Variants in FUT8 observed in about 807,000 individuals in gnomAD.
The protein encoded by FUT8 is fucosyltransferase 8, also known as alpha-(1,6)-fucosyltransferase.
A neutral mutation model predicts 71.3 loss-of-function variants in FUT8; 29 were observed. The ratio of observed to expected loss-of-function variants is 0.41; its 90% CI spans 0.30 to 0.55. The LOEUF is 0.55. FUT8 is among the 20% of genes least tolerant of loss of function. The probability of loss-of-function intolerance (pLI) is 0.34; values close to 1 mark genes in which losing one functional copy is unlikely to be tolerated. For missense variants in FUT8, 544 were observed against 702.1 expected, an observed-to-expected ratio of 0.77 and a Z score of 2.55; for synonymous variants, 254 against 239.3, an observed-to-expected ratio of 1.06 and a Z score of -0.57.
chr14:65,538,195 C>T (rs893230919), intron 2 of FUT8, among the ~76,000 whole-genome samples: 3 of 152,278 alleles, frequency 2.0e-5, no homozygotes, highest in Non-Finnish European at 2.9e-5. Context: ...TACCACTTCT[C>T]GAAGCAGCTT....
chr14:65,693,918 A>C (rs909192032), intron 7 of FUT8, among the ~76,000 whole-genome samples: 5 of 152,240 alleles, frequency 3.3e-5, no homozygotes, highest in African/African-American at 1.2e-4. Flanking sequence ...GAATTTTGGT[A>C]GATTGGATCT....
the FUT8 span, among the ~76,000 whole-genome samples, chr14:65,386,375 G>A: frequency 2.6e-5 from 4 of 151,820 alleles, no homozygotes; most frequent in East Asian, 7.8e-4. Flanking sequence ...ATGGTGGTGT[G>A]CGCCTATAGT....
At chr14:65,697,512 T>G (rs115218553) in intron 7 of FUT8, among the ~76,000 whole-genome samples, 2,695 of 152,316 alleles carry the variant, frequency 0.018, 82 homozygotes, top group African/African-American at 0.061. Flanking sequence ...TAAACTAGTT[T>G]TCCTTTAGGC....
At chr14:65,521,706 AT>A (rs939093067) in intron 2 of FUT8, among the ~76,000 whole-genome samples, 85 of 152,234 alleles carry the variant, frequency 5.6e-4, no homozygotes, top group African/African-American at 1.8e-3. Context: ...AAAAAAATAC[AT>A]TTTTTTGGTT....
chr14:65,646,274 A>G (rs1391373997), intron 6 of FUT8, among the ~76,000 whole-genome samples: 2 of 152,174 alleles, frequency 1.3e-5, no homozygotes, highest in Non-Finnish European at 1.5e-5. Context: ...TGCTCCCAAG[A>G]TAGGAGATTA....
chr14:65,682,346 A>T (rs542779694), intron 7 of FUT8, among the ~76,000 whole-genome samples: 27 of 152,162 alleles, frequency 1.8e-4, no homozygotes, highest in Middle Eastern at 3.4e-3. Flanking sequence ...TTAAAAATAA[A>T]ATTTTTTTTA....
chr14:65,373,844 C>T, the FUT8 span, among the ~76,000 whole-genome samples: 1 of 152,198 alleles, frequency 6.6e-6, no homozygotes, highest in African/African-American at 2.4e-5. Context: ...TCTTCAGTGC[C>T]ACCATCCGTC....
chr14:65,367,040 A>G, the FUT8 span, among the ~76,000 whole-genome samples: 1 of 152,194 alleles, frequency 6.6e-6, no homozygotes, highest in African/African-American at 2.4e-5. Flanking sequence ...GGACTGCAAC[A>G]TCTCCAGATT....
intron 1 of FUT8, among the ~76,000 whole-genome samples, chr14:65,417,204 C>T (rs934518614): frequency 6.6e-6 from 1 of 152,138 alleles, no homozygotes; most frequent in African/African-American, 2.4e-5. Context: ...ATCATCCCAC[C>T]TTGGCCTCCC....
intron 2 of FUT8, chr14:65,471,078 A>C: frequency 2.1e-6 from 1 of 467,086 alleles, no homozygotes; most frequent in South Asian, 1.6e-5. Context: ...TGTGTTGTAC[A>C]AGAGCTGTAC....
At chr14:65,714,284 A>G (rs1894945773) in intron 7 of FUT8, among the ~76,000 whole-genome samples, 3 of 152,032 alleles carry the variant, frequency 2.0e-5, no homozygotes, top group African/African-American at 7.2e-5. Flanking sequence ...CCACGTTTTT[A>G]TGCTAGTGCC....
chr14:65,637,430 C>G (rs1354638523), intron 6 of FUT8, among the ~76,000 whole-genome samples: 1 of 152,026 alleles, frequency 6.6e-6, no homozygotes, highest in Non-Finnish European at 1.5e-5. Context: ...GAGCAAATAG[C>G]CTCTGCAGAA....
chr14:65,675,568 G>A (rs1282438296), intron 7 of FUT8, among the ~76,000 whole-genome samples: 1 of 152,162 alleles, frequency 6.6e-6, no homozygotes, highest in African/African-American at 2.4e-5. Flanking sequence ...ACCATTCTAT[G>A]AGTTTTTTAG....
chr14:65,361,509 C>T, the FUT8 span, among the ~76,000 whole-genome samples: 2 of 151,972 alleles, frequency 1.3e-5, no homozygotes, highest in Admixed American at 1.3e-4. Flanking sequence ...AGACTATGGC[C>T]GGGTGCGGTG....
chr14:65,437,067 G>A (rs910937743), intron 1 of FUT8, among the ~76,000 whole-genome samples: 24 of 152,176 alleles, frequency 1.6e-4, no homozygotes, highest in African/African-American at 5.8e-4. Flanking sequence ...GCTTCTTTGA[G>A]TTCATTCTTT....
At chr14:65,557,336 CTTT>C (rs561664750) in intron 2 of FUT8, among the ~76,000 whole-genome samples, 2 of 142,710 alleles carry the variant, frequency 1.4e-5, no homozygotes. Context: ...TCTCTCTCCC[CTTT>C]TTTTTTTTTT....
intron 2 of FUT8, among the ~76,000 whole-genome samples, chr14:65,469,796 G>C (rs931811595): frequency 3.3e-5 from 5 of 152,210 alleles, no homozygotes; most frequent in African/African-American, 9.6e-5. Context: ...TGTCTCTCTG[G>C]CCTCTGCCCT....
intron 1 of FUT8, among the ~76,000 whole-genome samples, chr14:65,435,406 T>C (rs139774465): frequency 2.8e-4 from 43 of 152,344 alleles, no homozygotes; most frequent in African/African-American, 5.3e-4. Flanking sequence ...AGAAAATTCA[T>C]TGAGATTCAT....
rs74056811 is a variant in FUT8, at chr14:65,726,081, A to G, written c.1259+1758A>G. Among the ~76,000 whole-genome samples, 1,207 of 152,352 alleles carry G rather than the reference A, an allele frequency of 7.9e-3. 9 individuals are homozygous for G. Among genetic ancestry groups the G allele is most frequent in the African/African-American group, 0.024 (1,005 of 41,584 alleles). ...GGCAAATAATTCATCAGCCAAGTAT[A>G]AGAATGAGTTAATGTAAGAGGGATT... On this transcript the variant is annotated intron_variant, in intron 9 of 10. Transcript: ENST00000673929.
Sources: allele counts gnomAD v4.1 joint callset (sites outside exome capture counted in the v4.1 genomes callset), GRCh38; gene constraint gnomAD v4.1.1; transcripts MANE v1.5; gene names NCBI Gene and HGNC (gene_info 2026-07-23, HGNC 2026-07-21).